The following CSMD1 variants were observed in gnomAD, a reference collection of about 807,000 sequenced individuals.
The protein encoded by CSMD1 is CUB and sushi domain-containing protein 1.
A neutral mutation model predicts 417.5 loss-of-function variants in CSMD1; 213 were observed. The observed-to-expected ratio is 0.51, with a 90% CI of 0.46 to 0.57. The LOEUF is 0.57. Ranked by LOEUF, CSMD1 falls within the 20% of genes least tolerant of loss-of-function variation. CSMD1 has a pLI of 0.00. For missense variants in CSMD1, 6,923 were observed against 4,529.7 expected (o/e 1.53, Z -15.17); for synonymous variants, 2,862 against 1,736.8 (o/e 1.65, Z -16.11).
At chr8:4,749,727 A>G (rs891269733) in intron 1 of CSMD1, among the ~76,000 whole-genome samples, 2 of 152,224 alleles carry the variant, frequency 1.3e-5, no homozygotes, top group Non-Finnish European at 2.9e-5. Flanking sequence ...AATAATTTTA[A>G]TAATTACATA....
intron 18 of CSMD1, among the ~76,000 whole-genome samples, chr8:3,384,469 T>C (rs1810843401): frequency 6.6e-6 from 1 of 151,504 alleles, no homozygotes; most frequent in Non-Finnish European, 1.5e-5. Context: ...AATATATTTG[T>C]GTATTTCCAT....
At chr8:4,749,766 G>T (rs1811183849) in intron 1 of CSMD1, among the ~76,000 whole-genome samples, 1 of 151,960 alleles carries the variant, frequency 6.6e-6, no homozygotes, top group Admixed American at 6.6e-5. Flanking sequence ...CCATCTAGAT[G>T]CATTAAAATG....
intron 3 of CSMD1, among the ~76,000 whole-genome samples, chr8:4,135,236 A>G (rs1043022423): frequency 6.6e-6 from 1 of 151,788 alleles, no homozygotes; most frequent in Admixed American, 6.6e-5. Context: ...GTCCCATGGG[A>G]ATATATTTAT....
chr8:4,040,260 C>G (rs924387650), intron 3 of CSMD1, among the ~76,000 whole-genome samples: 4 of 152,222 alleles, frequency 2.6e-5, no homozygotes, highest in African/African-American at 9.6e-5. Context: ...ATCATAATAA[C>G]CGGAAATACT....
intron 30 of CSMD1, among the ~76,000 whole-genome samples, chr8:3,206,250 G>A (rs544808961): frequency 8.5e-6 from 1 of 118,136 alleles, no homozygotes; most frequent in South Asian, 3.1e-4. Flanking sequence ...GTGTGTGGGG[G>A]GTATGTATGT....
intron 4 of CSMD1, among the ~76,000 whole-genome samples, chr8:4,031,193 G>C (rs777750183): frequency 6.6e-6 from 1 of 152,124 alleles, no homozygotes. Context: ...CTTTTCAGGA[G>C]TACCCCACTC....
intron 3 of CSMD1, among the ~76,000 whole-genome samples, chr8:4,295,140 A>G (rs1205750048): frequency 6.8e-6 from 1 of 146,420 alleles, no homozygotes; most frequent in Non-Finnish European, 1.5e-5. Flanking sequence ...AAGATTATAT[A>G]ATCTTAAGAT....
At chr8:4,308,425 G>C (rs533113462) in intron 3 of CSMD1, among the ~76,000 whole-genome samples, 2 of 151,916 alleles carry the variant, frequency 1.3e-5, no homozygotes, top group African/African-American at 4.8e-5. Context: ...TATGTGGAAA[G>C]TCTGATGATG....
chr8:3,286,957 T>C (rs1273911351), intron 25 of CSMD1, among the ~76,000 whole-genome samples: 8 of 152,158 alleles, frequency 5.3e-5, no homozygotes, highest in East Asian at 3.9e-4. Context: ...ATGGTTTTAG[T>C]TCTAACATTT....
At position 3,838,707 on chromosome 8, in the gene CSMD1, AG is replaced by A. The variant is rs1170543765; in HGVS notation, c.819-84666del. On this transcript the variant is annotated intron_variant, in intron 5 of 69. Transcript: ENST00000635120. The stretch of plus-strand genomic sequence containing the variant: ...GTATAATATATAATAAATATTATAT[AG>A]TATAATATATAATAAATTAATATTA... Among the ~76,000 whole-genome samples, 17 of 96,750 alleles carry A rather than the reference AG, an allele frequency of 1.8e-4. 3 individuals carry two copies. Among genetic ancestry groups the A allele is most frequent in the African/African-American group, 8.1e-4 (16 of 19,852 alleles). 63.5% of individuals were successfully genotyped at this position (96,750 alleles called of 152,430 possible).
chr8:3,997,476 A>G (rs1815306704), intron 5 of CSMD1, among the ~76,000 whole-genome samples: 1 of 152,214 alleles, frequency 6.6e-6, no homozygotes, highest in African/African-American at 2.4e-5. Context: ...AATGTGGTAC[A>G]CAGTCTTCAC....
intron 3 of CSMD1, among the ~76,000 whole-genome samples, chr8:4,304,883 T>A (rs1798160989): frequency 6.6e-6 from 1 of 152,192 alleles, no homozygotes; most frequent in African/African-American, 2.4e-5. Context: ...AATATACTCT[T>A]AATCTATCAA....
chr8:3,800,530 G>C (rs1260840159), intron 5 of CSMD1, among the ~76,000 whole-genome samples: 5 of 152,012 alleles, frequency 3.3e-5, no homozygotes, highest in African/African-American at 4.8e-5. Context: ...TATCTCAAAG[G>C]AGATCATAGA....
rs553480636 is a variant in CSMD1 at position 4,145,889 on chromosome 8, T to G, written c.416-113790A>C. 1.9e-4 allele frequency among the ~76,000 whole-genome samples: 28 copies of G among 151,184 alleles called. No individual in the cohort carries two copies. In the Middle Eastern group the frequency reaches 0.01, roughly 55 times the overall value. Reference sequence around the variant, plus strand: ...TTGTTGAGTTTTCAAAATCATGTCTTGCTCAATGCTCATCCCTTGGCACAT... The same window carrying G: ...TTGTTGAGTTTTCAAAATCATGTCTGGCTCAATGCTCATCCCTTGGCACAT... On this transcript the variant is annotated intron_variant, in intron 3 of 69. Transcript: ENST00000635120.
At chr8:3,427,698 T>C (rs1046953307) in intron 12 of CSMD1, among the ~76,000 whole-genome samples, 1 of 152,180 alleles carries the variant, frequency 6.6e-6, no homozygotes, top group Non-Finnish European at 1.5e-5. Context: ...TTTATCAACT[T>C]TTTTTCAAAT....
At chr8:3,535,006 G>A (rs536952224) in intron 10 of CSMD1, among the ~76,000 whole-genome samples, 1 of 152,280 alleles carries the variant, frequency 6.6e-6, no homozygotes, top group African/African-American at 2.4e-5. Context: ...GGAGTGCAGT[G>A]GTGCAATCAG....
chr8:4,790,132 C>T (rs368620224), intron 1 of CSMD1, among the ~76,000 whole-genome samples: 1 of 152,026 alleles, frequency 6.6e-6, no homozygotes, highest in Admixed American at 6.6e-5. Flanking sequence ...ATATTCAGTT[C>T]CTTTGGACAA....
chr8:4,243,226 G>A (rs968743257), intron 3 of CSMD1, among the ~76,000 whole-genome samples: 3 of 151,734 alleles, frequency 2.0e-5, no homozygotes, highest in African/African-American at 7.3e-5. Context: ...TATTAGGAGA[G>A]TCAGGAAAGG....
intron 40 of CSMD1, among the ~76,000 whole-genome samples, chr8:3,148,263 T>C (rs1414896688): frequency 6.6e-6 from 1 of 152,234 alleles, no homozygotes; most frequent in Non-Finnish European, 1.5e-5. Flanking sequence ...GCTTCATTTG[T>C]AAGTGCAGAT....
Sources: allele counts gnomAD v4.1 joint callset (sites outside exome capture counted in the v4.1 genomes callset), GRCh38; gene constraint gnomAD v4.1.1; transcripts MANE v1.5; gene names NCBI Gene and HGNC (gene_info 2026-07-23, HGNC 2026-07-21).